NLRP14: variants seen among roughly 807,000 people sequenced by gnomAD.
The protein encoded by NLRP14 is NACHT, LRR and PYD domains-containing protein 14.
In NLRP14, 105 loss-of-function variants were observed where a neutral mutation model predicts 94.7. The ratio of observed to expected loss-of-function variants is 1.11; its 90% CI spans 0.95 to 1.30. The LOEUF is 1.30. Among genes scored for constraint, NLRP14 ranks in the 50% most tolerant of loss-of-function variants. The probability of loss-of-function intolerance (pLI) is 0.00; values close to 1 mark genes in which losing one functional copy is unlikely to be tolerated. For synonymous variants in NLRP14, 508 were observed against 459.9 expected (o/e 1.10, Z -1.34); for missense variants, 1,362 against 1,254.1 (o/e 1.09, Z -1.30).
At chr11:7,090,222 T>C in the NLRP14 span, 1 of 1,611,746 alleles carries the variant, frequency 6.2e-7, no homozygotes, top group African/African-American at 1.3e-5. Context: ...TTACAGCCGG[T>C]CAGGCTGCAG....
chr11:7,062,634 A>G, intron 10 of NLRP14, 131 bp downstream of exon 10: 2 of 810,356 alleles, frequency 2.5e-6, no homozygotes. Context: ...AGAAATAAGA[A>G]TCTAAATTTC....
chr11:7,045,551 C>T (rs983360161), intron 4 of NLRP14, among the ~76,000 whole-genome samples: 3 of 151,938 alleles, frequency 2.0e-5, no homozygotes, highest in African/African-American at 4.8e-5. Context: ...ATCTCGTGTT[C>T]GCACAGAGGA....
chr11:7,057,639 A>T (rs900436442), intron 6 of NLRP14, 38 bp from the exon 7 acceptor site: 35 of 1,586,056 alleles, frequency 2.2e-5, no homozygotes, highest in Non-Finnish European at 2.7e-5. Flanking sequence ...TTATTCTCTA[A>T]GGAGTGGTCA....
chr11:7,041,197 G>A (rs528810962), intron 3 of NLRP14, among the ~76,000 whole-genome samples: 73 of 151,874 alleles, frequency 4.8e-4, no homozygotes, highest in Middle Eastern at 3.4e-3. Context: ...CATTATTTTC[G>A]CTTTTTGGGA....
chr11:7,038,420 A>G, intron 1 of NLRP14, 146 bp from the exon 2 acceptor site: 1 of 644,394 alleles, frequency 1.6e-6, no homozygotes, highest in Non-Finnish European at 2.7e-6. Context: ...ATTACAGAGG[A>G]CACTAGGTCA....
At chr11:7,069,549 T>C (rs936840879) in intron 10 of NLRP14, among the ~76,000 whole-genome samples, 5 of 152,224 alleles carry the variant, frequency 3.3e-5, no homozygotes, top group Non-Finnish European at 7.3e-5. Flanking sequence ...ACCTAATGTA[T>C]TCGAAATAGG....
intron 1 of NLRP14, among the ~76,000 whole-genome samples, chr11:7,032,221 A>G (rs964840923): frequency 6.6e-6 from 1 of 152,210 alleles, no homozygotes; most frequent in Non-Finnish European, 1.5e-5. Context: ...TATTTTAAGT[A>G]CATTTTGGTT....
chr11:7,089,337 T>C, the NLRP14 span: 1 of 1,607,886 alleles, frequency 6.2e-7, no homozygotes, highest in Admixed American at 1.7e-5. Flanking sequence ...GAACGGCAAG[T>C]CCCTGGATGG....
At chr11:7,036,846 T>A (rs1289834606) in intron 1 of NLRP14, among the ~76,000 whole-genome samples, 1 of 152,080 alleles carries the variant, frequency 6.6e-6, no homozygotes, top group East Asian at 1.9e-4. Flanking sequence ...AAAGACTAAG[T>A]GAGATTTGGG....
Position 7,046,679 on chromosome 11 carries a change from G to A in NLRP14, c.1970G>A (p.Arg657His), listed in dbSNP as rs776547306. 34 of 1,612,982 alleles carry A rather than the reference G, an allele frequency of 2.1e-5. No homozygotes were observed. Among genetic ancestry groups the A allele is most frequent in the Non-Finnish European group, 2.7e-5 (32 of 1,179,136 alleles). The change falls in exon 5 of 12, where the codon CGC becomes CAC. Residue 657 changes from arginine to histidine, a missense_variant. Coordinates refer to ENST00000299481, the MANE Select transcript of NLRP14 (RefSeq NM_176822.4). The stretch of plus-strand genomic sequence containing the variant: ...TTATTTATGCAAAGGGATGGTGATC[G>A]CATTACTCACTGTTGGCAAGATCTC... ...SLPTNTWDGD[R>H]ITHCWQDLCS...
chr11:7,065,084 T>C (rs762196209), intron 10 of NLRP14, among the ~76,000 whole-genome samples: 1 of 152,076 alleles, frequency 6.6e-6, no homozygotes, highest in Non-Finnish European at 1.5e-5. Flanking sequence ...CATTTGCAAA[T>C]AAATTGGAAA....
chr11:7,058,078 G>A (rs1852545815), intron 7 of NLRP14, among the ~76,000 whole-genome samples: 2 of 151,452 alleles, frequency 1.3e-5, no homozygotes, highest in Non-Finnish European at 2.9e-5. Flanking sequence ...TCTTTTCCAA[G>A]CTTCCCCTCT....
chr11:7,088,894 A>C, the NLRP14 span: 1 of 580,458 alleles, frequency 1.7e-6, no homozygotes, highest in Non-Finnish European at 3.1e-6. Flanking sequence ...AAGGAGACAC[A>C]AAACTGCCGA....
At chr11:7,077,325 A>G in the NLRP14 span, among the ~76,000 whole-genome samples, 6 of 152,230 alleles carry the variant, frequency 3.9e-5, no homozygotes, top group Non-Finnish European at 8.8e-5. Context: ...CCGAGAGCCC[A>G]CAACGGCTAG....
chr11:7,063,773 G>A (rs538620199), intron 10 of NLRP14, among the ~76,000 whole-genome samples: 1 of 152,174 alleles, frequency 6.6e-6, no homozygotes, highest in Non-Finnish European at 1.5e-5. Flanking sequence ...CATGTGATGA[G>A]CCCAACTTGT....
intron 4 of NLRP14, among the ~76,000 whole-genome samples, chr11:7,046,017 T>C (rs1446108216): frequency 6.6e-6 from 1 of 152,162 alleles, no homozygotes; most frequent in Admixed American, 6.6e-5. Flanking sequence ...CACCAGGTTG[T>C]CCCCTGTTTT....
intron 3 of NLRP14, among the ~76,000 whole-genome samples, chr11:7,040,369 G>A (rs1052908762): frequency 1.3e-5 from 2 of 152,184 alleles, no homozygotes; most frequent in Admixed American, 6.5e-5. Context: ...ATAGGAGCAC[G>A]AACCCTATTG....
At chr11:7,020,948 A>G (rs1247063411) in intron 1 of NLRP14, among the ~76,000 whole-genome samples, 178 bp downstream of exon 1, 4 of 152,254 alleles carry the variant, frequency 2.6e-5, no homozygotes, top group Non-Finnish European at 5.9e-5. Flanking sequence ...GCCCCTCCTC[A>G]GTGTCCTGGG....
At chr11:7,070,550 G>T (rs894090444) in intron 11 of NLRP14, 94 bp downstream of exon 11, 2 of 803,548 alleles carry the variant, frequency 2.5e-6, no homozygotes, top group Non-Finnish European at 2.1e-6. Flanking sequence ...CCACCTAATT[G>T]TGTATCATTG....
Sources: allele counts gnomAD v4.1 joint callset (sites outside exome capture counted in the v4.1 genomes callset), GRCh38; gene constraint gnomAD v4.1.1; transcripts MANE v1.5; gene names NCBI Gene and HGNC (gene_info 2026-07-23, HGNC 2026-07-21).